AP1G1: variants seen among roughly 807,000 people sequenced by gnomAD.
AP1G1 encodes the protein adaptor related protein complex 1 subunit gamma 1, also known as AP-1 complex subunit gamma-1.
In AP1G1, 7 loss-of-function variants were observed where a neutral mutation model predicts 108.3. The observed-to-expected ratio is 0.06, with a 90% CI of 0.04 to 0.12. AP1G1 has a LOEUF of 0.12. AP1G1 is among the 10% of genes least tolerant of loss of function. The probability of loss-of-function intolerance (pLI) is 1.00; values close to 1 mark genes in which losing one functional copy is unlikely to be tolerated. For synonymous variants in AP1G1, 379 were observed against 353.5 expected (o/e 1.07, Z -0.81); for missense variants, 756 against 1,010.7 (o/e 0.75, Z 3.42).
At chr16:71,789,567 C>T in intron 1 of AP1G1, 85 bp from the exon 2 acceptor site, 1 of 1,400,296 alleles carries the variant, frequency 7.1e-7, no homozygotes, top group South Asian at 1.2e-5. Context: ...AAATTTTTGA[C>T]TAGTTTTTAA....
chr16:71,766,375 G>T (rs2031313701), intron 6 of AP1G1: 9 of 463,002 alleles, frequency 1.9e-5, no homozygotes, highest in South Asian at 1.4e-4. Flanking sequence ...TCCATTAAGA[G>T]TCCTAACACA....
At chr16:71,797,529 G>A (rs575509074) in intron 1 of AP1G1, among the ~76,000 whole-genome samples, 8 of 152,078 alleles carry the variant, frequency 5.3e-5, no homozygotes, top group East Asian at 1.9e-4. Flanking sequence ...AGCCGGAGAC[G>A]GTGGCTCACC....
chr16:71,764,372 A>G lies in AP1G1; in HGVS notation c.896T>C (p.Ile299Thr). 6.2e-7 allele frequency: 1 copy of G among 1,604,672 alleles called. No individual in the cohort carries two copies. ...TACTCGCAATCCACTCTCTGACTTA[A>G]TATCCATGATAGTCAAAACCGTTTC... ...LYETVLTIMD[I>T]KSESGLRVLA... The change falls in exon 9 of 23, where the codon ATT becomes ACT. Residue 299 changes from isoleucine (I) to threonine (T), a missense_variant. Transcript: ENST00000299980.
rs1389657556 is a variant in AP1G1, at chr16:71,732,720, G to A, written c.*338C>T. On this transcript the variant is annotated 3_prime_UTR_variant, in exon 23 of 23. Coordinates refer to ENST00000299980, the MANE Select transcript of AP1G1 (RefSeq NM_001128.6). The stretch of plus-strand genomic sequence containing the variant: ...AGTGAGTGTTTTTTCGCCATGGATT[G>A]CAGTCCTCTCCTCCAGACCAGCTGC... The A allele has an allele frequency of 9.9e-5, 21 of 211,812 alleles. No homozygotes were observed. In the East Asian group the frequency reaches 2.1e-3, roughly 22 times the overall value. 13.1% of individuals were successfully genotyped at this position (211,812 alleles called of 1,614,324 possible).
At chr16:71,736,742 C>T (rs1416651799) in intron 21 of AP1G1, among the ~76,000 whole-genome samples, 8 of 138,564 alleles carry the variant, frequency 5.8e-5, no homozygotes, top group South Asian at 2.5e-4. Context: ...CCCGCCACCA[C>T]GCCCGGCTAA....
chr16:71,771,403 C>T (rs1220583124), intron 4 of AP1G1, 151 bp from the exon 5 acceptor site: 2 of 551,508 alleles, frequency 3.6e-6, no homozygotes, highest in African/African-American at 3.9e-5. Context: ...AGATTTATGG[C>T]TCGACACAGT....
chr16:71,805,297 A>C (rs1335228759), intron 1 of AP1G1, among the ~76,000 whole-genome samples: 1 of 151,894 alleles, frequency 6.6e-6, no homozygotes, highest in Non-Finnish European at 1.5e-5. Flanking sequence ...AAAATACAAA[A>C]ATTAGCTGGG....
At chr16:71,734,530 A>G (rs2045509732) in intron 22 of AP1G1, 79 bp downstream of exon 22, 2 of 1,230,978 alleles carry the variant, frequency 1.6e-6, no homozygotes, top group South Asian at 1.2e-5. Flanking sequence ...AGAAAAACCT[A>G]AAGAAACAAA....
chr16:71,746,261 C>T (rs973065921), intron 17 of AP1G1, among the ~76,000 whole-genome samples: 9 of 152,170 alleles, frequency 5.9e-5, no homozygotes, highest in African/African-American at 1.2e-4. Context: ...CTGCCCGCCT[C>T]GGCCTCCCAA....
Position 71,771,211 on chromosome 16 carries a change from T to C in AP1G1, c.510A>G (p.Glu170=). The C allele has an allele frequency of 6.2e-7, 1 of 1,610,232 alleles. No homozygotes were observed. The highest frequency in any genetic ancestry group is 8.5e-7 in the Non-Finnish European group (1 of 1,179,082). ...TTGCTGGTAAAAACATCTCCATAAG[T>C]TCAGGAACTTTCCTGATGACATGAA... ...CAVHVIRKVP[E]LMEMFLPATK... is the part of the protein sequence containing the mutation. Residue 170 remains glutamate (E), a synonymous_variant, in exon 5 of 23, where the codon GAA becomes GAG. Coordinates refer to ENST00000299980, the MANE Select transcript of AP1G1 (RefSeq NM_001128.6).
At chr16:71,794,835 C>CTTTTTT (rs55761928) in intron 1 of AP1G1, among the ~76,000 whole-genome samples, 1,146 of 39,630 alleles carry the variant, frequency 0.029, 136 homozygotes, top group South Asian at 0.083. Flanking sequence ...ATGAGAAGTG[C>CTTTTTT]TTTTTTTTTT....
chr16:71,764,592 C>T, intron 8 of AP1G1, 54 bp downstream of exon 8: 3 of 1,398,158 alleles, frequency 2.1e-6, no homozygotes, highest in Non-Finnish European at 1.9e-6. Flanking sequence ...CATAATCATT[C>T]TACTCCCAGC....
chr16:71,779,843 C>A (rs1186177203), intron 2 of AP1G1, among the ~76,000 whole-genome samples: 1 of 152,046 alleles, frequency 6.6e-6, no homozygotes, highest in Non-Finnish European at 1.5e-5. Flanking sequence ...AGATGCACAT[C>A]TAAATTGCTC....
rs577276568 is a variant in AP1G1 at position 71,741,388 on chromosome 16, G to C, written c.2000-2047C>G. Reference sequence around the variant, plus strand: ...ACCTGAGGTCAGGAGTTTGAGACCAGCCTGGCCAACACAGCGAAACCCTAT... The same window carrying C: ...ACCTGAGGTCAGGAGTTTGAGACCACCCTGGCCAACACAGCGAAACCCTAT... On this transcript the variant is annotated intron_variant, in intron 19 of 22. Coordinates refer to ENST00000299980, the MANE Select transcript of AP1G1 (RefSeq NM_001128.6). Among the ~76,000 whole-genome samples the C allele has an allele frequency of 2.6e-5, 4 of 152,252 alleles. No individual in the cohort carries two copies. In the Middle Eastern group the frequency reaches 0.01, roughly 388 times the overall value.
intron 13 of AP1G1, 120 bp from the exon 14 acceptor site, chr16:71,750,452 T>C (rs1490964726): frequency 2.4e-6 from 3 of 1,274,924 alleles, no homozygotes; most frequent in Admixed American, 4.3e-5. Context: ...TCTCGCTCTG[T>C]CACCCAGGCT....
In AP1G1 at chr16:71,750,250, A is replaced by G; in HGVS notation, c.1367T>C (p.Val456Ala). ...TNSVEMHAYTVQRLYKAILGD... is the reference protein window; with the variant it reads ...TNSVEMHAYTAQRLYKAILGD... ...AAGAATTGCTTTGTACAGGCGCTGG[A>G]CAGTATAGGCATGCATCTCCACACT... The change falls in exon 14 of 23, where the codon GTC becomes GCC. Residue 456 changes from valine (V) to alanine (A), a missense_variant. Physicochemically the swap from Val to Ala is moderately conservative, Grantham distance 64. Around this residue, in one of 3 missense-constraint regions of AP1G1, gnomAD observed 357 missense variants for 366.5 expected, o/e 0.97. Transcript: ENST00000299980. 6.2e-7 allele frequency: 1 copy of G among 1,614,166 alleles called. No individual in the cohort carries two copies. The highest frequency in any genetic ancestry group is 8.5e-7 in the Non-Finnish European group (1 of 1,180,014).
intron 6 of AP1G1, chr16:71,767,853 A>T (rs748524445): frequency 5.6e-6 from 9 of 1,598,276 alleles, no homozygotes; most frequent in Middle Eastern, 3.3e-4. Context: ...AGCATGCACC[A>T]TCTAAAAGAG....
chr16:71,769,544 A>T lies in AP1G1; in HGVS notation c.642+79T>A. On this transcript the variant is annotated intron_variant, in intron 6 of 22. Coordinates refer to ENST00000299980, the MANE Select transcript of AP1G1 (RefSeq NM_001128.6). Reference sequence around the variant, plus strand: ...GATCCATAGCTTGCTTTCAAAAAAAAATAAGAAGAAAATCATGTACTTTTC... The same window carrying T: ...GATCCATAGCTTGCTTTCAAAAAAATATAAGAAGAAAATCATGTACTTTTC... 3 of 1,384,682 alleles carry T rather than the reference A, an allele frequency of 2.2e-6. No individual in the cohort carries two copies. The East Asian group carries it at 7.0e-5, about 32-fold the overall frequency. 85.8% of individuals were successfully genotyped at this position (1,384,682 alleles called of 1,614,324 possible).
chr16:71,764,732 G>A lies in AP1G1; in HGVS notation c.739-6C>T, dbSNP rs776955083. 3.8e-6 allele frequency: 6 copies of A among 1,597,044 alleles called. No individual in the cohort carries two copies. The highest frequency in any genetic ancestry group is 2.2e-5 in the East Asian group (1 of 44,594). On this transcript the variant is annotated splice_region_variant and splice_polypyrimidine_tract_variant and intron_variant, in intron 7 of 22. Transcript: ENST00000299980. ...AATAACCGCAAAATTCGTACCTAACGTGCAAAAGATGAGAGGTGTCAACAA... is the reference window on the plus strand; with the variant it reads ...AATAACCGCAAAATTCGTACCTAACATGCAAAAGATGAGAGGTGTCAACAA...
Sources: gnomAD v4.1 joint callset for allele counts (sites outside exome capture counted in the v4.1 genomes callset) on GRCh38, gnomAD v4.1.1 for gene constraint, gnomAD v4.1.1 regional missense constraint, MANE v1.5 for transcripts, NCBI Gene and HGNC (gene_info 2026-07-23, HGNC 2026-07-21) for gene names.